The following PRLR variants were observed in gnomAD, a reference collection of about 807,000 sequenced individuals.
PRLR encodes hPRL receptor.
Under a neutral mutation model 40.2 loss-of-function variants are expected in PRLR, and 13 were observed. The observed-to-expected ratio is 0.32, with a 90% CI of 0.21 to 0.51. PRLR has a LOEUF of 0.51. Ranked by LOEUF, PRLR falls within the 20% of genes least tolerant of loss-of-function variation. PRLR has a pLI of 0.97. For synonymous variants in PRLR, 269 were observed against 278.7 expected (o/e 0.97, Z 0.35); for missense variants, 656 against 747.3 (o/e 0.88, Z 1.42).
chr5:35,160,214 T>C (rs1774635689), intron 1 of PRLR, among the ~76,000 whole-genome samples: 1 of 152,372 alleles, frequency 6.6e-6, no homozygotes. Flanking sequence ...TTCTGTGACA[T>C]GTCACAATTG....
At chr5:35,054,349 C>T (rs1246953800), downstream of PRLR, among the ~76,000 whole-genome samples, 1 of 152,176 alleles carries the variant, frequency 6.6e-6, no homozygotes, top group African/African-American at 2.4e-5. Flanking sequence ...TCCAGTGAGA[C>T]TGGCATAGGA....
chr5:35,227,676 A>G (rs1270988076), intron 1 of PRLR, among the ~76,000 whole-genome samples: 1 of 152,158 alleles, frequency 6.6e-6, no homozygotes, highest in African/African-American at 2.4e-5. Context: ...TTTCATTGCT[A>G]CATCATCTGA....
chr5:35,157,748 C>A (rs1192263910), intron 1 of PRLR, among the ~76,000 whole-genome samples: 1 of 152,248 alleles, frequency 6.6e-6, no homozygotes, highest in Non-Finnish European at 1.5e-5. Context: ...AATTCTCTTT[C>A]ATACTCGGAA....
chr5:35,163,378 T>A (rs1774731715), intron 1 of PRLR, among the ~76,000 whole-genome samples: 1 of 152,202 alleles, frequency 6.6e-6, no homozygotes, highest in Non-Finnish European at 1.5e-5. Flanking sequence ...CCTGAAAGCC[T>A]GCCAGAATGA....
chr5:35,088,856 C>T (rs745453504), intron 3 of PRLR, among the ~76,000 whole-genome samples: 10 of 152,114 alleles, frequency 6.6e-5, no homozygotes, highest in East Asian at 1.9e-4. Context: ...TGTGCACATA[C>T]GGATATACAC....
chr5:35,102,266 A>G (rs1027701368), intron 2 of PRLR, among the ~76,000 whole-genome samples: 4 of 152,146 alleles, frequency 2.6e-5, no homozygotes, highest in Admixed American at 6.5e-5. Flanking sequence ...GGATGTGCTC[A>G]GCTGCTCCTA....
intron 1 of PRLR, among the ~76,000 whole-genome samples, chr5:35,126,002 C>T (rs1405236945): frequency 6.6e-6 from 1 of 152,140 alleles, no homozygotes; most frequent in East Asian, 1.9e-4. Context: ...GCTGACACTT[C>T]TGTTTTTCAA....
intron 1 of PRLR, among the ~76,000 whole-genome samples, chr5:35,225,680 TTTTG>T (rs567344768): frequency 6.6e-6 from 1 of 152,306 alleles, no homozygotes; most frequent in South Asian, 2.1e-4. Context: ...GACAGTTTAC[TTTTG>T]TTTTTGTTTT....
intron 1 of PRLR, among the ~76,000 whole-genome samples, chr5:35,190,480 C>T (rs1396559733): frequency 1.3e-5 from 2 of 152,098 alleles, no homozygotes; most frequent in Non-Finnish European, 2.9e-5. Flanking sequence ...TGGCAGGTGC[C>T]TGTAATCCTA....
intron 5 of PRLR, among the ~76,000 whole-genome samples, chr5:35,079,214 C>T (rs1190012284): frequency 1.3e-5 from 2 of 152,136 alleles, no homozygotes; most frequent in Non-Finnish European, 2.9e-5. Context: ...CCAGGGCAAT[C>T]AGGCAGGAGA....
chr5:35,152,595 TAGTACAAGTATTGTCTA>T (rs1266739898), intron 1 of PRLR, among the ~76,000 whole-genome samples: 1 of 152,210 alleles, frequency 6.6e-6, no homozygotes, highest in African/African-American at 2.4e-5. Context: ...GAACCCACAC[TAGTACAAGTATTGTCTA>T]AGTAAGCTCT....
At chr5:35,101,586 G>C (rs1423075787) in intron 2 of PRLR, among the ~76,000 whole-genome samples, 1 of 151,924 alleles carries the variant, frequency 6.6e-6, no homozygotes, top group African/African-American at 2.4e-5. Context: ...ATAATTCTCA[G>C]CCCATTCTTC....
At position 35,058,648 on chromosome 5, in the gene PRLR, A is replaced by G. The variant is rs1207681548; in HGVS notation, c.*6441T>C. On this transcript the variant is annotated 3_prime_UTR_variant, in exon 10 of 10. Transcript: ENST00000618457. The stretch of plus-strand genomic sequence containing the variant: ...GTTTTGTTTTACAGTCATAGACACA[A>G]TCATATTGAAACTACATATGGATAA... The G allele has an allele frequency of 6.6e-6, 1 of 152,238 alleles. No homozygotes were observed. Among genetic ancestry groups the G allele is most frequent in the African/African-American group, 2.4e-5 (1 of 41,470 alleles). The allele number at this position is 152,238 out of a possible 1,614,324, so 9.4% of individuals were successfully genotyped here.
At chr5:35,114,231 T>C (rs1353936845) in intron 2 of PRLR, among the ~76,000 whole-genome samples, 1 of 152,196 alleles carries the variant, frequency 6.6e-6, no homozygotes, top group East Asian at 1.9e-4. Flanking sequence ...GTGGTTGTTT[T>C]CTAGAGCTGG....
intron 2 of PRLR, among the ~76,000 whole-genome samples, chr5:35,109,848 C>A (rs1343914872): frequency 6.6e-6 from 1 of 152,118 alleles, no homozygotes; most frequent in Admixed American, 6.5e-5. Flanking sequence ...ACCGTTTGAC[C>A]CAGCCATCCC....
chr5:35,197,241 G>A (rs1256439466), intron 1 of PRLR, among the ~76,000 whole-genome samples: 5 of 152,232 alleles, frequency 3.3e-5, no homozygotes, highest in Admixed American at 2.0e-4. Flanking sequence ...GAATGGGAAA[G>A]TGAGGCCAGA....
chr5:35,073,115 T>A (rs986247053), intron 5 of PRLR, among the ~76,000 whole-genome samples: 1 of 152,172 alleles, frequency 6.6e-6, no homozygotes, highest in Admixed American at 6.5e-5. Context: ...GGGAAAGAGA[T>A]TTCAAACAGC....
At position 35,087,422 on chromosome 5, in the gene PRLR, T is replaced by TTGTGTGTGTGTG. The variant is rs10691744; in HGVS notation, c.71-1094_71-1083dup. Among the ~76,000 whole-genome samples the TTGTGTGTGTGTG allele has an allele frequency of 6.4e-3, 904 of 140,906 alleles. 13 individuals are homozygous for TTGTGTGTGTGTG. The highest frequency in any genetic ancestry group is 0.019 in the African/African-American group (732 of 37,568). 92.4% of individuals were successfully genotyped at this position (140,906 alleles called of 152,430 possible). ...TCTCTTAGATTTTCCTCTCTTTCCT[T>TTGTGTGTGTGTG]TGTGTGTGTGTGTGTGTGTGTGTGT... On this transcript the variant is annotated intron_variant, in intron 3 of 9. Transcript: ENST00000618457.
intron 1 of PRLR, among the ~76,000 whole-genome samples, chr5:35,226,437 G>A (rs1776550167): frequency 6.6e-6 from 1 of 152,194 alleles, no homozygotes; most frequent in Non-Finnish European, 1.5e-5. Flanking sequence ...CCAGATCATT[G>A]GGAAGATAAA....
Sources: allele counts gnomAD v4.1 joint callset (sites outside exome capture counted in the v4.1 genomes callset), GRCh38; gene constraint gnomAD v4.1.1; transcripts MANE v1.5; gene names NCBI Gene and HGNC (gene_info 2026-07-23, HGNC 2026-07-21).